Variants in WDR45B observed in about 807,000 individuals in gnomAD.
WDR45B encodes WD repeat domain phosphoinositide-interacting protein 3.
A neutral mutation model predicts 44.6 loss-of-function variants in WDR45B; 20 were observed. That is an observed-to-expected ratio of 0.45 (90% CI 0.32 to 0.65). The LOEUF (loss-of-function observed/expected upper bound fraction) is 0.65. Among genes scored for constraint, WDR45B ranks in the 30% least tolerant of loss-of-function variants. The pLI, the probability that WDR45B is intolerant of heterozygous loss-of-function variation, is 0.05. For synonymous variants in WDR45B, 169 were observed against 164.9 expected, an observed-to-expected ratio of 1.02 and a Z score of -0.19; for missense variants, 323 against 430.2, an observed-to-expected ratio of 0.75 and a Z score of 2.20.
intron 2 of WDR45B, among the ~76,000 whole-genome samples, chr17:82,634,037 G>A (rs965502639): frequency 1.3e-5 from 2 of 150,730 alleles, no homozygotes; most frequent in African/African-American, 4.9e-5. Context: ...TGTAATCCCA[G>A]CTACTTGGGA....
At chr17:82,638,297 A>C (rs945151121) in intron 2 of WDR45B, among the ~76,000 whole-genome samples, 3 of 115,624 alleles carry the variant, frequency 2.6e-5, no homozygotes, top group Admixed American at 1.8e-4. Context: ...AGAAAGAAAA[A>C]AGAAAAGAAA....
intron 2 of WDR45B, among the ~76,000 whole-genome samples, chr17:82,634,415 G>A (rs2045808470): frequency 6.6e-6 from 1 of 151,986 alleles, no homozygotes; most frequent in Admixed American, 6.6e-5. Flanking sequence ...TTGAACCCGG[G>A]AGGCGGAGGC....
intron 6 of WDR45B, among the ~76,000 whole-genome samples, chr17:82,621,039 G>C (rs547010060): frequency 6.7e-6 from 1 of 149,020 alleles, no homozygotes; most frequent in African/African-American, 2.5e-5. Flanking sequence ...CTTGGATGTG[G>C]ACGTATTTTT....
rs2045523298 is a variant in WDR45B, at chr17:82,615,723, G to A, written c.*196C>T. The A allele has an allele frequency of 4.9e-6, 3 of 608,002 alleles. No homozygotes were observed. The highest frequency in any genetic ancestry group is 2.7e-5 in the Admixed American group (1 of 37,540). 37.7% of individuals were successfully genotyped at this position (608,002 alleles called of 1,614,324 possible). A position where few individuals can be genotyped will look rare whatever the true frequency, so the allele number is the denominator to read the frequency against. On this transcript the variant is annotated 3_prime_UTR_variant, in exon 10 of 10. Transcript: ENST00000392325. ...GGTCACAGCCACTGAGTTACCTACG[G>A]TGCCTTGATGATGATTCTCTCTTTA...
At chr17:82,647,952 G>A (rs942693390) in intron 1 of WDR45B, among the ~76,000 whole-genome samples, 3 of 146,786 alleles carry the variant, frequency 2.0e-5, no homozygotes, top group African/African-American at 7.5e-5. Context: ...GTCCGCGCAG[G>A]AGGCTGGGGT....
chr17:82,635,171 T>TAAATTATGGTAAA (rs1396990071), intron 2 of WDR45B, among the ~76,000 whole-genome samples: 1 of 151,760 alleles, frequency 6.6e-6, no homozygotes, highest in Non-Finnish European at 1.5e-5. Context: ...TTTTTTACCA[T>TAAATTATGGTAAA]AATTTTTTTT....
chr17:82,619,177 C>T (rs759813237), intron 6 of WDR45B, 49 bp from the exon 7 acceptor site: 46 of 1,584,332 alleles, frequency 2.9e-5, no homozygotes, highest in Admixed American at 1.2e-4. Flanking sequence ...AAAACTTTTT[C>T]GTTAGTTTTT....
intron 2 of WDR45B, among the ~76,000 whole-genome samples, chr17:82,641,666 G>A (rs563235648): frequency 1.3e-5 from 2 of 152,328 alleles, no homozygotes; most frequent in Admixed American, 6.5e-5. Flanking sequence ...GGAGGACAAG[G>A]TGGGCGGATC....
chr17:82,640,599 T>A (rs2045901843), intron 2 of WDR45B, among the ~76,000 whole-genome samples: 1 of 152,262 alleles, frequency 6.6e-6, no homozygotes, highest in Non-Finnish European at 1.5e-5. Flanking sequence ...TCTGCCCACC[T>A]TGGCCTCCCA....
At chr17:82,621,217 C>G (rs962842917) in intron 6 of WDR45B, among the ~76,000 whole-genome samples, 1 of 152,106 alleles carries the variant, frequency 6.6e-6, no homozygotes, top group South Asian at 2.1e-4. Flanking sequence ...CCATGCCTGG[C>G]TAATTTTTGT....
At chr17:82,632,512 A>G (rs61296437) in intron 2 of WDR45B, among the ~76,000 whole-genome samples, 15,364 of 152,062 alleles carry the variant, frequency 0.1, 990 homozygotes, top group African/African-American at 0.18. Flanking sequence ...AATGTCCACA[A>G]ATTTTCAGAG....
rs1017470041 is a variant in WDR45B at position 82,614,927 on chromosome 17, A to T, written c.*992T>A. 2 of 152,186 alleles carry T rather than the reference A, an allele frequency of 1.3e-5. No individual in the cohort carries two copies. The highest frequency in any genetic ancestry group is 6.5e-5 in the Admixed American group (1 of 15,278). The allele number at this position is 152,186 out of a possible 1,614,324, so 9.4% of individuals were successfully genotyped here. The stretch of plus-strand genomic sequence containing the variant: ...ATGTGCCTCTCCTTCCCAAAATGTT[A>T]GTGTGTAGCTATTCTTACAAATGAG... On this transcript the variant is annotated 3_prime_UTR_variant, in exon 10 of 10. Transcript: ENST00000392325.
Position 82,646,125 on chromosome 17 carries a change from G to GA in WDR45B, c.68-2103dup, listed in dbSNP as rs370265408. On this transcript the variant is annotated intron_variant, in intron 1 of 9. Transcript: ENST00000392325. ...AAGAGCAAGATCCGTCTCGGAAAAA[G>GA]AAAAAAAAAAAGATCTACAACTATA... Among the ~76,000 whole-genome samples the GA allele has an allele frequency of 2.1e-3, 235 of 111,834 alleles. 3 individuals carry two copies. The East Asian group carries it at 0.038, about 18-fold the overall frequency. 73.4% of individuals were successfully genotyped at this position (111,834 alleles called of 152,430 possible).
At chr17:82,620,635 C>G (rs1179878723) in intron 6 of WDR45B, among the ~76,000 whole-genome samples, 1 of 152,152 alleles carries the variant, frequency 6.6e-6, no homozygotes, top group Non-Finnish European at 1.5e-5. Context: ...GATACCATCA[C>G]CGGCTTGCGG....
At chr17:82,638,805 A>C (rs1598276847) in intron 2 of WDR45B, among the ~76,000 whole-genome samples, 1 of 152,030 alleles carries the variant, frequency 6.6e-6, no homozygotes, top group African/African-American at 2.4e-5. Flanking sequence ...ATAAAGTAGA[A>C]AACACTGTGA....
intron 5 of WDR45B, among the ~76,000 whole-genome samples, chr17:82,624,562 C>T (rs112754216): frequency 0.098 from 13,851 of 141,150 alleles, 619 homozygotes; most frequent in Middle Eastern, 0.21. Flanking sequence ...GCCCGGCCGA[C>T]TGTTCTGTCT....
chr17:82,632,849 G>T (rs1022115053), intron 2 of WDR45B, among the ~76,000 whole-genome samples: 35 of 152,004 alleles, frequency 2.3e-4, no homozygotes, highest in African/African-American at 7.7e-4. Flanking sequence ...GCAACATAAG[G>T]AAATCCCTTC....
intron 5 of WDR45B, 94 bp downstream of exon 5, chr17:82,625,293 CTT>C: frequency 1.6e-6 from 2 of 1,268,474 alleles, no homozygotes; most frequent in South Asian, 2.4e-5. Context: ...TCGCCAAGCA[CTT>C]TGCTCAGAGA....
At chr17:82,640,349 T>C (rs566342529) in intron 2 of WDR45B, among the ~76,000 whole-genome samples, 2 of 148,862 alleles carry the variant, frequency 1.3e-5, no homozygotes, top group Non-Finnish European at 3.0e-5. Flanking sequence ...ACTGGGATTT[T>C]TTTCTTTTTT....
Sources: allele counts gnomAD v4.1 joint callset (sites outside exome capture counted in the v4.1 genomes callset), GRCh38; gene constraint gnomAD v4.1.1; transcripts MANE v1.5; gene names NCBI Gene and HGNC (gene_info 2026-07-23, HGNC 2026-07-21).